CENPE: variants seen among roughly 807,000 people sequenced by gnomAD.
CENPE encodes centromere protein E.
A neutral mutation model predicts 336.1 loss-of-function variants in CENPE; 145 were observed. That is an observed-to-expected ratio of 0.43 (90% CI 0.38 to 0.50). The LOEUF (loss-of-function observed/expected upper bound fraction) is 0.50, where lower values mean the gene tolerates loss of function less well. CENPE is among the 20% of genes least tolerant of loss of function. The pLI is 0.00. For synonymous variants in CENPE, 1,013 were observed against 984.8 expected (o/e 1.03, Z -0.54); for missense variants, 2,719 against 3,023.3 (o/e 0.90, Z 2.36).
At chr4:103,117,262 C>A (rs1460953704) in intron 44 of CENPE, among the ~76,000 whole-genome samples, 1 of 152,164 alleles carries the variant, frequency 6.6e-6, no homozygotes, top group Non-Finnish European at 1.5e-5. Context: ...ATATTAACAT[C>A]ATGCATTAGT....
At position 103,175,970 on chromosome 4, in the gene CENPE, A is replaced by G; in HGVS notation, c.1469T>C (p.Leu490Pro). ...SEIEWNPATK[L>P]LNQENIESEL... ...AATACATTAAGTTACCTGATTTAGTAGCTTTGTTGCTGGATTCCATTCTAT... is the reference window on the plus strand; with the variant it reads ...AATACATTAAGTTACCTGATTTAGTGGCTTTGTTGCTGGATTCCATTCTAT... Residue 490 changes from leucine (L) to proline (P), a missense_variant, in exon 15 of 49, where the codon CTA becomes CCA. Physicochemically the swap from Leu to Pro is moderately conservative, Grantham distance 98. This residue lies in a region of CENPE where 2,437 missense variants were observed against 2,513.3 expected (regional missense o/e 0.97). Coordinates refer to ENST00000265148, the MANE Select transcript of CENPE (RefSeq NM_001813.3). 1.9e-6 allele frequency: 3 copies of G among 1,590,492 alleles called. 1 individual carries two copies. The South Asian group carries it at 3.4e-5, about 18-fold the overall frequency.
chr4:103,183,942 CG>C (rs1560672566), intron 9 of CENPE, among the ~76,000 whole-genome samples: 1 of 152,104 alleles, frequency 6.6e-6, no homozygotes, highest in African/African-American at 2.4e-5. Flanking sequence ...ATTTCCATAT[CG>C]GTAAACACTG....
At chr4:103,159,917 A>C (rs1349206610) in intron 21 of CENPE, among the ~76,000 whole-genome samples, 2 of 151,894 alleles carry the variant, frequency 1.3e-5, no homozygotes, top group African/African-American at 4.8e-5. Context: ...GATGAGAAAA[A>C]AAGAAGAGAT....
At chr4:103,139,407 A>G (rs908757478) in intron 38 of CENPE, among the ~76,000 whole-genome samples, 3 of 152,128 alleles carry the variant, frequency 2.0e-5, no homozygotes, top group Admixed American at 6.6e-5. Flanking sequence ...AACTTCACCA[A>G]TAAGAGCCCA....
rs374643676 is a variant in CENPE at position 103,122,836 on chromosome 4, G to A, written c.7143+35C>T. The A allele has an allele frequency of 3.9e-5, 58 of 1,498,660 alleles. No individual in the cohort carries two copies. In the African/African-American group the frequency reaches 7.9e-4, roughly 20 times the overall value. 92.8% of individuals were successfully genotyped at this position (1,498,660 alleles called of 1,614,324 possible). ...TTGCTCTAAACTCTGTGATGAAGCTGCAAACTGAAGAACATTTTATAAGAA... is the reference window on the plus strand; with the variant it reads ...TTGCTCTAAACTCTGTGATGAAGCTACAAACTGAAGAACATTTTATAAGAA... On this transcript the variant is annotated intron_variant, in intron 43 of 48. Transcript: ENST00000265148.
intron 43 of CENPE, among the ~76,000 whole-genome samples, chr4:103,122,126 A>G (rs1750685183): frequency 6.6e-6 from 1 of 152,150 alleles, no homozygotes; most frequent in Admixed American, 6.5e-5. Context: ...CCTCTATTTT[A>G]TCTGTAGCAG....
At chr4:103,183,345 C>A in intron 9 of CENPE, 57 bp from the exon 10 acceptor site, 2 of 1,345,684 alleles carry the variant, frequency 1.5e-6, no homozygotes, top group Non-Finnish European at 1.1e-6. Flanking sequence ...AGATGATAAA[C>A]TTATTTATCA....
In CENPE at chr4:103,160,662, T is replaced by C; in HGVS notation, c.2249A>G (p.Lys750Arg). ...CCTTTCTACTTCAGAAGGTAAAGAT[T>C]TCAATTCTGAAAGCAAAATGACTTC... ...REEVILLSEL[K>R]SLPSEVERLR... The change falls in exon 21 of 49, where the codon AAA becomes AGA. Residue 750 changes from lysine to arginine, a missense_variant. Transcript: ENST00000265148. 6.2e-7 allele frequency: 1 copy of C among 1,611,114 alleles called. No homozygotes were observed. Among genetic ancestry groups the C allele is most frequent in the Non-Finnish European group, 8.5e-7 (1 of 1,178,536 alleles).
At chr4:103,136,399 T>C (rs1365694917) in intron 39 of CENPE, 40 bp from the exon 40 acceptor site, 2 of 1,376,046 alleles carry the variant, frequency 1.5e-6, no homozygotes. Flanking sequence ...TAACAATTCA[T>C]TCTAATATCA....
At position 103,159,004 on chromosome 4, in the gene CENPE, ACCAACCTCGGTCTTCAAAGCAC is replaced by A; in HGVS notation, c.2585_2601+5del. On this transcript the variant is annotated splice_donor_variant and splice_donor_5th_base_variant and coding_sequence_variant and intron_variant, in exon 22 of 49. Coordinates refer to ENST00000265148, the MANE Select transcript of CENPE (RefSeq NM_001813.3). LOFTEE classifies it high-confidence loss of function. ...AGCATTTCTCAAAATAGCATCTTGT[ACCAACCTCGGTCTTCAAAGCAC>A]CCAAACTCGAATCAAATTTTTGGGC... The A allele has an allele frequency of 6.5e-7, 1 of 1,532,622 alleles. No homozygotes were observed. 94.9% of individuals were successfully genotyped at this position (1,532,622 alleles called of 1,614,324 possible).
intron 8 of CENPE, among the ~76,000 whole-genome samples, chr4:103,189,505 G>A (rs1168051734): frequency 2.6e-5 from 4 of 152,052 alleles, no homozygotes; most frequent in South Asian, 2.1e-4. Flanking sequence ...ATCAATAAAC[G>A]TAATCCAGCC....
intron 28 of CENPE, among the ~76,000 whole-genome samples, chr4:103,148,357 T>C (rs1317350593): frequency 1.3e-5 from 2 of 152,222 alleles, no homozygotes; most frequent in African/African-American, 2.4e-5. Flanking sequence ...TGTGTATAGA[T>C]TGATTTCTCT....
intron 24 of CENPE, among the ~76,000 whole-genome samples, chr4:103,157,540 A>G (rs1754062334): frequency 6.6e-6 from 1 of 152,032 alleles, no homozygotes; most frequent in African/African-American, 2.4e-5. Flanking sequence ...TCAAATTCAT[A>G]AAGACAGAAA....
At chr4:103,123,769 T>C (rs986315855) in intron 42 of CENPE, among the ~76,000 whole-genome samples, 4 of 152,178 alleles carry the variant, frequency 2.6e-5, no homozygotes, top group African/African-American at 9.6e-5. Flanking sequence ...GCATTGAGCA[T>C]CTAGGAAGAC....
Position 103,141,741 on chromosome 4 carries a change from T to C in CENPE, c.5463+9A>G. 2 of 1,500,746 alleles carry C rather than the reference T, an allele frequency of 1.3e-6. No individual in the cohort carries two copies. Among genetic ancestry groups the C allele is most frequent in the Non-Finnish European group, 1.8e-6 (2 of 1,095,920 alleles). The allele number at this position is 1,500,746 out of a possible 1,614,324, so 93.0% of individuals were successfully genotyped here. A position where few individuals can be genotyped will look rare whatever the true frequency, so the allele number is the denominator to read the frequency against. ...GATATCCAATCAAACAATCCCCCCA[T>C]AAAAATACCTTTTCTTGTAATTTAG... On this transcript the variant is annotated intron_variant, in intron 35 of 48. Coordinates refer to ENST00000265148, the MANE Select transcript of CENPE (RefSeq NM_001813.3).
At chr4:103,153,734 T>C (rs1753747462) in intron 24 of CENPE, among the ~76,000 whole-genome samples, 1 of 152,194 alleles carries the variant, frequency 6.6e-6, no homozygotes, top group Non-Finnish European at 1.5e-5. Flanking sequence ...TATTTACTAC[T>C]AAACGAGTAA....
At chr4:103,181,664 A>T in intron 11 of CENPE, 3 of 347,650 alleles carry the variant, frequency 8.6e-6, no homozygotes, top group Non-Finnish European at 1.6e-5. Flanking sequence ...AGAATAAAAA[A>T]GATATATTGA....
chr4:103,168,852 A>G lies in CENPE; in HGVS notation c.1648-5299T>C, dbSNP rs143123205. Among the ~76,000 whole-genome samples, 336 of 152,328 alleles carry G rather than the reference A, an allele frequency of 2.2e-3. 1 individual carries two copies. The highest frequency in any genetic ancestry group is 3.6e-3 in the Non-Finnish European group (244 of 68,014). On this transcript the variant is annotated intron_variant, in intron 16 of 48. Transcript: ENST00000265148. Reference sequence around the variant, plus strand: ...ACTATAGATCTTGAAAAGACCTTATAAAGATGGTGAAGACTAAAACAAATA... The same window carrying G: ...ACTATAGATCTTGAAAAGACCTTATGAAGATGGTGAAGACTAAAACAAATA...
rs537402897 is a variant in CENPE at position 103,106,055 on chromosome 4, C to T, written c.*167G>A. ...GTATTGCTATCACCATTCTAAATTACCACAATGCATTCATTTCCTGTTCCC... is the reference window on the plus strand; with the variant it reads ...GTATTGCTATCACCATTCTAAATTATCACAATGCATTCATTTCCTGTTCCC... On this transcript the variant is annotated 3_prime_UTR_variant, in exon 49 of 49. Transcript: ENST00000265148. 2.0e-4 allele frequency: 81 copies of T among 403,834 alleles called. No individual in the cohort carries two copies. In the South Asian group the frequency reaches 6.9e-3, roughly 34 times the overall value. 25.0% of individuals were successfully genotyped at this position (403,834 alleles called of 1,614,324 possible).
Sources: allele counts gnomAD v4.1 joint callset (sites outside exome capture counted in the v4.1 genomes callset), GRCh38; gene constraint gnomAD v4.1.1; regional missense constraint gnomAD v4.1.1; transcripts MANE v1.5; gene names NCBI Gene and HGNC (gene_info 2026-07-23, HGNC 2026-07-21).